RAB11FIP4: variants seen among roughly 807,000 people sequenced by gnomAD.
RAB11FIP4 encodes RAB11 family interacting protein 4.
Under a neutral mutation model 74.3 loss-of-function variants are expected in RAB11FIP4, and 23 were observed. That is an observed-to-expected ratio of 0.31 (90% CI 0.22 to 0.44). The LOEUF is 0.44. Among genes scored for constraint, RAB11FIP4 ranks in the 20% least tolerant of loss-of-function variants. The pLI, the probability that RAB11FIP4 is intolerant of heterozygous loss-of-function variation, is 1.00. For missense variants in RAB11FIP4, 630 were observed against 863.9 expected (o/e 0.73, Z 3.39); for synonymous variants, 360 against 359.9 (o/e 1.00, Z 0.00).
chr17:31,446,388 C>T (rs1329353995), intron 3 of RAB11FIP4, among the ~76,000 whole-genome samples: 2 of 152,080 alleles, frequency 1.3e-5, no homozygotes, highest in Non-Finnish European at 2.9e-5. Context: ...CGAGCGTCCA[C>T]CCTTGGCATC....
intron 3 of RAB11FIP4, among the ~76,000 whole-genome samples, chr17:31,469,122 C>T (rs76276634): frequency 1.3e-5 from 2 of 152,272 alleles, no homozygotes; most frequent in East Asian, 3.9e-4. Flanking sequence ...GCAGATTGCC[C>T]AAGTAACATC....
chr17:31,414,848 T>C (rs2071132342), intron 1 of RAB11FIP4, among the ~76,000 whole-genome samples: 1 of 152,192 alleles, frequency 6.6e-6, no homozygotes, highest in African/African-American at 2.4e-5. Context: ...CAGGAAGCAA[T>C]GCAAAATAAC....
chr17:31,481,310 A>T (rs2071846569), intron 3 of RAB11FIP4, among the ~76,000 whole-genome samples: 1 of 151,822 alleles, frequency 6.6e-6, no homozygotes, highest in Admixed American at 6.6e-5. Flanking sequence ...ACATTTTTTT[A>T]GGTTCAAGTG....
At chr17:31,511,278 C>T (rs977368462) in intron 3 of RAB11FIP4, among the ~76,000 whole-genome samples, 16 of 152,192 alleles carry the variant, frequency 1.1e-4, no homozygotes, top group South Asian at 8.3e-4. Flanking sequence ...CTCCTTTTGC[C>T]GTGTGTTCCG....
chr17:31,466,102 C>T (rs1031112332), intron 3 of RAB11FIP4, among the ~76,000 whole-genome samples: 4 of 152,134 alleles, frequency 2.6e-5, no homozygotes, highest in African/African-American at 9.7e-5. Flanking sequence ...CGAGATCACG[C>T]CACTGCACTC....
chr17:31,400,960 G>A (rs1444117415), intron 1 of RAB11FIP4, among the ~76,000 whole-genome samples: 1 of 152,052 alleles, frequency 6.6e-6, no homozygotes, highest in East Asian at 1.9e-4. Context: ...CCTAGGTGTG[G>A]TCTGGCCCCC....
Position 31,479,975 on chromosome 17 carries a change from C to T in RAB11FIP4, c.337-37676C>T, listed in dbSNP as rs537176724. 5.9e-5 allele frequency among the ~76,000 whole-genome samples: 9 copies of T among 152,230 alleles called. No individual in the cohort carries two copies. In the East Asian group the frequency reaches 9.6e-4, roughly 16 times the overall value. ...TTAAAGTCCTCATATTTGCAAAACA[C>T]GGGGCAAAAGTCTTTGACTTTTTCT... On this transcript the variant is annotated intron_variant, in intron 3 of 14. Transcript: ENST00000621161.
At chr17:31,479,188 C>A (rs1275568695) in intron 3 of RAB11FIP4, among the ~76,000 whole-genome samples, 1 of 152,196 alleles carries the variant, frequency 6.6e-6, no homozygotes, top group African/African-American at 2.4e-5. Flanking sequence ...CTGTTATCAA[C>A]AATAGGCTGC....
rs1374087499 is a variant in RAB11FIP4, at chr17:31,521,150, G to T, written c.564-16G>T. On this transcript the variant is annotated splice_polypyrimidine_tract_variant and intron_variant, in intron 4 of 14. Coordinates refer to ENST00000621161, the MANE Select transcript of RAB11FIP4 (RefSeq NM_032932.6). ...CCATGAGTCCTCCTCTGACTTGGGT[G>T]CTCTCGGACCCTCAGGTCCCTGGTC... is the stretch of plus-strand genomic sequence containing the variant. 6 of 1,534,676 alleles carry T rather than the reference G, an allele frequency of 3.9e-6. No individual in the cohort carries two copies. The highest frequency in any genetic ancestry group is 1.4e-5 in the African/African-American group (1 of 72,830).
intron 4 of RAB11FIP4, among the ~76,000 whole-genome samples, chr17:31,519,135 C>T (rs761136799): frequency 6.6e-6 from 1 of 151,416 alleles, no homozygotes; most frequent in Non-Finnish European, 1.5e-5. Context: ...CTGCCTCAGC[C>T]TCCCAAGTAG....
intron 3 of RAB11FIP4, among the ~76,000 whole-genome samples, chr17:31,496,881 G>T (rs1053053307): frequency 1.3e-5 from 2 of 152,212 alleles, no homozygotes; most frequent in Admixed American, 1.3e-4. Context: ...AGAGCATTTG[G>T]TATTCTCTGT....
intron 1 of RAB11FIP4, among the ~76,000 whole-genome samples, chr17:31,395,791 A>T (rs731759): frequency 0.61 from 92,215 of 151,956 alleles, 28,263 homozygotes; most frequent in Middle Eastern, 0.65. Flanking sequence ...TAAGGAAGTC[A>T]GGATCAAGTA....
chr17:31,529,543 C>G (rs2072830361), intron 13 of RAB11FIP4, among the ~76,000 whole-genome samples: 1 of 152,184 alleles, frequency 6.6e-6, no homozygotes, highest in South Asian at 2.1e-4. Context: ...GTTGGGATTA[C>G]AGGAATGAGC....
At chr17:31,476,654 G>A (rs1281570021) in intron 3 of RAB11FIP4, among the ~76,000 whole-genome samples, 5 of 152,188 alleles carry the variant, frequency 3.3e-5, no homozygotes, top group Admixed American at 2.6e-4. Flanking sequence ...CAGGGGACCT[G>A]GCCTGGAAGA....
At chr17:31,442,832 T>C (rs1299304181) in intron 3 of RAB11FIP4, among the ~76,000 whole-genome samples, 1 of 152,072 alleles carries the variant, frequency 6.6e-6, no homozygotes, top group Non-Finnish European at 1.5e-5. Context: ...TGATAGCGCA[T>C]GCCTGTAATC....
chr17:31,500,852 G>A (rs982638667), intron 3 of RAB11FIP4, among the ~76,000 whole-genome samples: 6 of 151,980 alleles, frequency 3.9e-5, no homozygotes, highest in African/African-American at 1.2e-4. Context: ...GTGAAACCCC[G>A]TCTCTACTAA....
intron 3 of RAB11FIP4, among the ~76,000 whole-genome samples, chr17:31,471,889 G>A (rs935934688): frequency 6.6e-6 from 1 of 152,140 alleles, no homozygotes; most frequent in Admixed American, 6.5e-5. Context: ...GGGGCCGGGC[G>A]CAGTGGCTCA....
intron 3 of RAB11FIP4, among the ~76,000 whole-genome samples, chr17:31,472,137 G>A (rs1206888853): frequency 6.7e-6 from 1 of 148,660 alleles, no homozygotes; most frequent in Non-Finnish European, 1.5e-5. Flanking sequence ...ACTCCAGCCT[G>A]GGCAAAAAGA....
chr17:31,501,267 T>A (rs1017439820), intron 3 of RAB11FIP4, among the ~76,000 whole-genome samples: 5 of 150,726 alleles, frequency 3.3e-5, no homozygotes, highest in Non-Finnish European at 7.4e-5. Context: ...CAGTTACAGA[T>A]GCTCCTTGAT....
Sources: allele counts gnomAD v4.1 joint callset (sites outside exome capture counted in the v4.1 genomes callset), GRCh38; gene constraint gnomAD v4.1.1; transcripts MANE v1.5; gene names NCBI Gene and HGNC (gene_info 2026-07-23, HGNC 2026-07-21).